Variants in AGTPBP1 observed in about 807,000 individuals in gnomAD.
AGTPBP1 encodes the protein cytosolic carboxypeptidase 1.
Under a neutral mutation model 143.9 loss-of-function variants are expected in AGTPBP1, and 70 were observed. The ratio of observed to expected loss-of-function variants is 0.49; its 90% CI spans 0.40 to 0.59. The LOEUF is 0.59. AGTPBP1 is among the 20% of genes least tolerant of loss of function. The pLI is 0.00. For synonymous variants in AGTPBP1, 463 were observed against 500.2 expected, an observed-to-expected ratio of 0.93 and a Z score of 0.99; for missense variants, 1,229 against 1,464.5, an observed-to-expected ratio of 0.84 and a Z score of 2.62.
the AGTPBP1 span, among the ~76,000 whole-genome samples, chr9:85,756,786 C>A: frequency 6.6e-6 from 1 of 152,098 alleles, no homozygotes; most frequent in Non-Finnish European, 1.5e-5. Context: ...AGTAGTGATA[C>A]ATGCTACAAC....
chr9:85,547,048 G>T lies in AGTPBP1; in HGVS notation c.*61C>A. ...TAAACTCATTTCTCTCAAGCTTCCT[G>T]GGAAATAAAAACCAAGATATTTCAT... On this transcript the variant is annotated 3_prime_UTR_variant, in exon 26 of 26. Transcript: ENST00000357081. 6.8e-7 allele frequency: 1 copy of T among 1,465,506 alleles called. No individual in the cohort carries two copies. The allele number at this position is 1,465,506 out of a possible 1,614,324, so 90.8% of individuals were successfully genotyped here.
At chr9:85,576,508 T>G (rs1416280179) in intron 24 of AGTPBP1, among the ~76,000 whole-genome samples, 2 of 152,192 alleles carry the variant, frequency 1.3e-5, no homozygotes, top group African/African-American at 4.8e-5. Flanking sequence ...TGACCTGACT[T>G]CATTAGAACC....
chr9:85,653,897 C>G (rs1446130393), intron 11 of AGTPBP1, among the ~76,000 whole-genome samples: 2 of 152,218 alleles, frequency 1.3e-5, no homozygotes, highest in African/African-American at 2.4e-5. Flanking sequence ...TATTGGACCA[C>G]TGCTTTTACT....
chr9:85,697,445 GTTTTTTTTTTTTTTT>G (rs758082233), intron 2 of AGTPBP1, among the ~76,000 whole-genome samples: 2 of 65,072 alleles, frequency 3.1e-5, no homozygotes, highest in Non-Finnish European at 5.3e-5. Flanking sequence ...TTTGTTTTTT[GTTTTTTTTTTTTTTT>G]TTTTTTTTTT....
the AGTPBP1 span, among the ~76,000 whole-genome samples, chr9:85,777,877 A>G: frequency 6.6e-6 from 1 of 152,236 alleles, no homozygotes; most frequent in Non-Finnish European, 1.5e-5. Flanking sequence ...AGTTCTGCCC[A>G]CTGGGAAGAT....
intron 17 of AGTPBP1, among the ~76,000 whole-genome samples, chr9:85,597,145 G>C (rs1270895558): frequency 6.6e-6 from 1 of 151,854 alleles, no homozygotes; most frequent in Non-Finnish European, 1.5e-5. Flanking sequence ...TCCTGGTACA[G>C]AATAATTTTA....
chr9:85,712,679 C>A, intron 1 of AGTPBP1, 113 bp from the exon 2 acceptor site: 1 of 440,866 alleles, frequency 2.3e-6, no homozygotes, highest in Non-Finnish European at 3.9e-6. Flanking sequence ...CAAGATAACA[C>A]CGGAAACAAA....
chr9:85,676,190 C>T (rs567381071), intron 6 of AGTPBP1, among the ~76,000 whole-genome samples: 65 of 152,088 alleles, frequency 4.3e-4, no homozygotes, highest in African/African-American at 1.4e-3. Flanking sequence ...AAAGCAGAAA[C>T]TGACAAATGA....
intron 8 of AGTPBP1, among the ~76,000 whole-genome samples, chr9:85,662,456 C>T (rs140716055): frequency 2.9e-3 from 441 of 152,188 alleles, no homozygotes; most frequent in Admixed American, 4.5e-3. Context: ...ATACTTTTTA[C>T]ACTTATGCAA....
chr9:85,730,060 C>T (rs930119601), intron 1 of AGTPBP1, among the ~76,000 whole-genome samples: 1 of 152,170 alleles, frequency 6.6e-6, no homozygotes, highest in Admixed American at 6.5e-5. Flanking sequence ...TCTGAAACAG[C>T]AGTGTGGTTC....
chr9:85,592,873 T>C (rs938955594), intron 18 of AGTPBP1, among the ~76,000 whole-genome samples, 169 bp from the exon 19 acceptor site: 37 of 152,130 alleles, frequency 2.4e-4, no homozygotes, highest in African/African-American at 6.3e-4. Flanking sequence ...AGCAGTAAAC[T>C]ATTATTAGCC....
the AGTPBP1 span, among the ~76,000 whole-genome samples, chr9:85,793,210 G>A: frequency 6.6e-6 from 1 of 152,000 alleles, no homozygotes; most frequent in Non-Finnish European, 1.5e-5. Context: ...TAACAGTTAC[G>A]TTTGTGAGCT....
chr9:85,766,160 C>T, the AGTPBP1 span, among the ~76,000 whole-genome samples: 4 of 151,694 alleles, frequency 2.6e-5, no homozygotes, highest in African/African-American at 9.7e-5. Flanking sequence ...ATTATGTTTC[C>T]CTTGAGAAAT....
chr9:85,565,628 A>G (rs1827036155), intron 25 of AGTPBP1, among the ~76,000 whole-genome samples: 1 of 152,150 alleles, frequency 6.6e-6, no homozygotes, highest in African/African-American at 2.4e-5. Context: ...TAACACTGTC[A>G]TTTACCCTTT....
rs58719163 is a variant in AGTPBP1 at position 85,689,925 on chromosome 9, A to AAAAAT, written c.157+2763_157+2764insATTTT. 2.5e-3 allele frequency among the ~76,000 whole-genome samples: 180 copies of AAAAAT among 72,444 alleles called. 7 individuals carry two copies. The highest frequency in any genetic ancestry group is 0.017 in the East Asian group (33 of 2,000). 47.5% of individuals were successfully genotyped at this position (72,444 alleles called of 152,430 possible). ...AAAAAAAAAAAAAAAAAAAAAAAAA[A>AAAAAT]ATATATATATATATATATATATCTT... On this transcript the variant is annotated intron_variant, in intron 3 of 25. Transcript: ENST00000357081.
At chr9:85,777,236 C>G in the AGTPBP1 span, among the ~76,000 whole-genome samples, 2 of 152,174 alleles carry the variant, frequency 1.3e-5, no homozygotes, top group African/African-American at 4.8e-5. Context: ...GTAATCTTGG[C>G]AGAAGCATTG....
chr9:85,739,081 TA>T (rs201886103), intron 1 of AGTPBP1, among the ~76,000 whole-genome samples: 1 of 151,260 alleles, frequency 6.6e-6, no homozygotes, highest in African/African-American at 2.5e-5. Context: ...TAACTTGTCT[TA>T]AAAAAATAAA....
Position 85,681,252 on chromosome 9 carries a change from C to G in AGTPBP1, c.225+16G>C, listed in dbSNP as rs113167247. Reference sequence around the variant, plus strand: ...GGCATTAGTAGTTACATAATTAAAGCGTGTCACTGATTTACCTCTAATGTT... The same window carrying G: ...GGCATTAGTAGTTACATAATTAAAGGGTGTCACTGATTTACCTCTAATGTT... On this transcript the variant is annotated intron_variant, in intron 4 of 25. Coordinates refer to ENST00000357081, the MANE Select transcript of AGTPBP1 (RefSeq NM_001330701.2). 3.0e-5 allele frequency: 48 copies of G among 1,609,774 alleles called. No individual in the cohort carries two copies. The African/African-American group carries it at 3.7e-4, about 13-fold the overall frequency.
intron 17 of AGTPBP1, among the ~76,000 whole-genome samples, chr9:85,614,172 T>C (rs1193646293): frequency 2.0e-5 from 3 of 151,912 alleles, no homozygotes; most frequent in Non-Finnish European, 4.4e-5. Flanking sequence ...ATGCCCAGTG[T>C]ACCCCTTTAA....
Sources: allele counts gnomAD v4.1 joint callset (sites outside exome capture counted in the v4.1 genomes callset), GRCh38; gene constraint gnomAD v4.1.1; transcripts MANE v1.5; gene names NCBI Gene and HGNC (gene_info 2026-07-23, HGNC 2026-07-21).